Variants in MAGI1 observed in about 807,000 individuals in gnomAD.
MAGI1 encodes membrane-associated guanylate kinase, WW and PDZ domain-containing protein 1.
MAGI1 carries 58 observed loss-of-function variants against 139.9 expected under a neutral mutation model. That is an observed-to-expected ratio of 0.41 (90% CI 0.34 to 0.52). MAGI1 has a LOEUF of 0.52. MAGI1 is among the 20% of genes least tolerant of loss of function. The probability of loss-of-function intolerance (pLI) is 0.12; values close to 1 mark genes in which losing one functional copy is unlikely to be tolerated. For synonymous variants in MAGI1, 812 were observed against 737.9 expected, an observed-to-expected ratio of 1.10 and a Z score of -1.63; for missense variants, 1,874 against 1,901.6, an observed-to-expected ratio of 0.99 and a Z score of 0.27.
chr3:65,440,895 C>CATAT (rs10677900), intron 8 of MAGI1, among the ~76,000 whole-genome samples: 2 of 148,582 alleles, frequency 1.3e-5, no homozygotes, highest in African/African-American at 5.0e-5. Flanking sequence ...ATATATGGTA[C>CATAT]ATATGTGTGT....
chr3:65,495,574 G>A (rs1013628931), intron 2 of MAGI1, among the ~76,000 whole-genome samples: 3 of 152,048 alleles, frequency 2.0e-5, no homozygotes, highest in Middle Eastern at 3.2e-3. Context: ...ATGCCCTGAT[G>A]GAATTTATAT....
intron 1 of MAGI1, among the ~76,000 whole-genome samples, chr3:65,755,551 T>C (rs374797024): frequency 9.9e-5 from 15 of 152,126 alleles, no homozygotes; most frequent in South Asian, 2.1e-4. Flanking sequence ...CAGTCTGTGA[T>C]AGGATTCAGC....
chr3:65,712,488 A>C (rs2031597369), intron 1 of MAGI1, among the ~76,000 whole-genome samples: 1 of 150,928 alleles, frequency 6.6e-6, no homozygotes, highest in Non-Finnish European at 1.5e-5. Context: ...GCGCGATAAT[A>C]AAATTGTGTT....
intron 1 of MAGI1, among the ~76,000 whole-genome samples, chr3:65,693,184 A>G (rs2088833576): frequency 6.6e-6 from 1 of 152,052 alleles, no homozygotes; most frequent in African/African-American, 2.4e-5. Flanking sequence ...TGTTCAACCA[A>G]TCCTCCCGCC....
intron 1 of MAGI1, among the ~76,000 whole-genome samples, chr3:65,815,262 G>A (rs1575592267): frequency 5.3e-5 from 8 of 152,310 alleles, no homozygotes; most frequent in Admixed American, 4.6e-4. Context: ...TCCAGCCTGG[G>A]GCCAACACAC....
At chr3:65,392,262 T>G (rs1001657889) in intron 13 of MAGI1, among the ~76,000 whole-genome samples, 10 of 152,198 alleles carry the variant, frequency 6.6e-5, no homozygotes, top group Admixed American at 5.9e-4. Context: ...TAAGACCTAA[T>G]GGAAAGGAAA....
At position 65,437,173 on chromosome 3, in the gene MAGI1, T is replaced by C. The variant is rs774125461; in HGVS notation, c.1345A>G (p.Arg449Gly). ...NHPPSNPEPA[R>G]EVPLQGKPFF... Reference sequence around the variant, plus strand: ...ACTTTACCCTGAAGTGGAACTTCTCTGGCTGGCTCTGGATTGCTTGGAGGG... The same window carrying C: ...ACTTTACCCTGAAGTGGAACTTCTCCGGCTGGCTCTGGATTGCTTGGAGGG... Residue 449 changes from arginine (R) to glycine (G), a missense_variant, in exon 10 of 23, where the codon AGA (arginine) becomes GGA (glycine). Physicochemically the swap from Arg to Gly is moderately radical, Grantham distance 125 (BLOSUM62 -2). Transcript: ENST00000402939. 4 of 1,608,404 alleles carry C rather than the reference T, an allele frequency of 2.5e-6. No individual in the cohort carries two copies. Among genetic ancestry groups the C allele is most frequent in the Non-Finnish European group, 3.4e-6 (4 of 1,175,148 alleles).
At chr3:65,952,755 A>T (rs1000672158) in intron 1 of MAGI1, among the ~76,000 whole-genome samples, 1 of 152,224 alleles carries the variant, frequency 6.6e-6, no homozygotes, top group African/African-American at 2.4e-5. Flanking sequence ...TGGAGCTTGC[A>T]GTGAGCCAAG....
intron 1 of MAGI1, among the ~76,000 whole-genome samples, chr3:65,753,240 T>G (rs915201549): frequency 6.6e-6 from 1 of 152,054 alleles, no homozygotes; most frequent in Admixed American, 6.5e-5. Flanking sequence ...CTCAGCTCAC[T>G]TTGTGAGACC....
chr3:65,419,221 TAC>T (rs71102854), intron 12 of MAGI1, among the ~76,000 whole-genome samples: 42,896 of 86,190 alleles, frequency 0.5, 7,722 homozygotes, highest in Middle Eastern at 0.59. Flanking sequence ...AACACATTCA[TAC>T]ACACACACAC....
chr3:65,506,920 C>T (rs933238328), intron 2 of MAGI1, among the ~76,000 whole-genome samples: 2 of 152,166 alleles, frequency 1.3e-5, no homozygotes, highest in African/African-American at 2.4e-5. Context: ...CAAATACATT[C>T]GTTCTCAGTT....
At chr3:65,432,631 A>T (rs1040430678) in intron 10 of MAGI1, among the ~76,000 whole-genome samples, 1 of 152,186 alleles carries the variant, frequency 6.6e-6, no homozygotes, top group Non-Finnish European at 1.5e-5. Flanking sequence ...AAGACTTACA[A>T]GGATTCGCCA....
At chr3:65,995,029 T>C (rs926596285) in intron 1 of MAGI1, among the ~76,000 whole-genome samples, 1 of 152,142 alleles carries the variant, frequency 6.6e-6, no homozygotes, top group Non-Finnish European at 1.5e-5. Context: ...CTGAGGGGCA[T>C]GGAGTTCTTA....
intron 1 of MAGI1, among the ~76,000 whole-genome samples, chr3:65,823,440 T>C (rs957692035): frequency 1.9e-4 from 29 of 152,374 alleles, no homozygotes; most frequent in Admixed American, 4.6e-4. Context: ...CAATAAATAT[T>C]TGTTAAATGA....
chr3:65,435,219 A>G (rs1266710449), intron 10 of MAGI1, among the ~76,000 whole-genome samples: 1 of 152,148 alleles, frequency 6.6e-6, no homozygotes, highest in Non-Finnish European at 1.5e-5. Context: ...CAATCATTAG[A>G]TGACTAAAGA....
intron 1 of MAGI1, among the ~76,000 whole-genome samples, chr3:65,967,194 A>T (rs2064793031): frequency 6.6e-6 from 1 of 152,202 alleles, no homozygotes. Context: ...AAAAAGGTAG[A>T]CAGAGTGATA....
At chr3:65,627,487 T>G (rs1270542464) in intron 1 of MAGI1, among the ~76,000 whole-genome samples, 7 of 14,246 alleles carry the variant, frequency 4.9e-4, no homozygotes, top group Admixed American at 9.8e-4. Flanking sequence ...TTCTGTATCT[T>G]TTTTTTTTTT....
At chr3:65,662,125 A>T (rs2086235208) in intron 1 of MAGI1, among the ~76,000 whole-genome samples, 1 of 152,170 alleles carries the variant, frequency 6.6e-6, no homozygotes, top group Non-Finnish European at 1.5e-5. Flanking sequence ...TTCAGGATGG[A>T]GGCTGAAGTG....
At chr3:65,992,433 T>C (rs888748442) in intron 1 of MAGI1, among the ~76,000 whole-genome samples, 9 of 138,806 alleles carry the variant, frequency 6.5e-5, no homozygotes, top group African/African-American at 2.1e-4. Flanking sequence ...GCAGTTTGCA[T>C]TGAAGAAAAC....
Sources: gnomAD v4.1 joint callset for allele counts (sites outside exome capture counted in the v4.1 genomes callset) on GRCh38, gnomAD v4.1.1 for gene constraint, MANE v1.5 for transcripts, NCBI Gene and HGNC (gene_info 2026-07-23, HGNC 2026-07-21) for gene names.